Variants in ZSCAN5B observed in about 807,000 individuals in gnomAD.
The protein encoded by ZSCAN5B is zinc finger and SCAN domain-containing protein 5B.
Under a neutral mutation model 25.2 loss-of-function variants are expected in ZSCAN5B, and 26 were observed. The ratio of observed to expected loss-of-function variants is 1.03; its 90% confidence interval spans 0.76 to 1.43. The LOEUF is 1.43. Among genes scored for constraint, ZSCAN5B ranks in the 40% most tolerant of loss-of-function variants. The pLI, the probability that ZSCAN5B is intolerant of heterozygous loss-of-function variation, is 0.00. For synonymous variants in ZSCAN5B, 244 were observed against 240.9 expected (o/e 1.01, Z -0.12); for missense variants, 745 against 622.1 (o/e 1.20, Z -2.10).
chr19:56,190,694 A>G, intron 4 of ZSCAN5B, 119 bp from the exon 5 acceptor site: 1 of 1,545,448 alleles, frequency 6.5e-7, no homozygotes, highest in Non-Finnish European at 8.7e-7. Context: ...CAAGCCTAAG[A>G]CATTGGACTG....
chr19:56,195,041 G>C (rs955568650), intron 1 of ZSCAN5B, among the ~76,000 whole-genome samples: 20 of 152,174 alleles, frequency 1.3e-4, no homozygotes, highest in African/African-American at 4.8e-4. Context: ...AGACACAGGT[G>C]GGGGAAGCAA....
exon 5 of ZSCAN5B, chr19:56,189,756 A>G (rs989265133): frequency 1.3e-6 from 2 of 1,520,720 alleles, no homozygotes; most frequent in African/African-American, 2.8e-5. Flanking sequence ...TGTATATGTC[A>G]TCTGGTAACA....
chr19:56,189,742 T>C (rs2032696349), exon 5 of ZSCAN5B: 2 of 1,471,766 alleles, frequency 1.4e-6, no homozygotes, highest in Admixed American at 4.8e-5. Flanking sequence ...CCAAGTGCTT[T>C]ATGTGTATAT....
intron 3 of ZSCAN5B, among the ~76,000 whole-genome samples, chr19:56,191,409 C>G (rs1195001288): frequency 6.6e-6 from 1 of 152,162 alleles, no homozygotes; most frequent in African/African-American, 2.4e-5. Context: ...GAATGCCAAA[C>G]AAAAATGTCC....
chr19:56,192,791 C>T (rs2032755488), exon 2 of ZSCAN5B: 5 of 1,611,892 alleles, frequency 3.1e-6, no homozygotes, highest in Non-Finnish European at 4.2e-6. Context: ...TGCTCCATCA[C>T]CAGCATGTCC....
exon 4 of ZSCAN5B, chr19:56,190,911 T>A: frequency 9.9e-6 from 16 of 1,614,140 alleles, no homozygotes; most frequent in Non-Finnish European, 1.4e-5. Flanking sequence ...CAGATCCTTC[T>A]CCAAGGTCTG....
At chr19:56,191,807 C>G (rs2122196756) in intron 3 of ZSCAN5B, 43 bp downstream of exon 3, 1 of 1,597,928 alleles carries the variant, frequency 6.3e-7, no homozygotes, top group Middle Eastern at 1.7e-4. Flanking sequence ...CCTCCTGTTC[C>G]TTCTCCCACC....
chr19:56,194,529 A>C (rs1358601424), intron 1 of ZSCAN5B, among the ~76,000 whole-genome samples: 1 of 152,000 alleles, frequency 6.6e-6, no homozygotes, highest in African/African-American at 2.4e-5. Context: ...CTCTGGGCTC[A>C]AGCGATGCGC....
chr19:56,194,907 T>A (rs2032789399), intron 1 of ZSCAN5B, among the ~76,000 whole-genome samples: 2 of 151,946 alleles, frequency 1.3e-5, no homozygotes, highest in African/African-American at 4.8e-5. Context: ...ACAGCCCAAT[T>A]TTTTTTTCTT....
chr19:56,197,206 T>G lies in ZSCAN5B; in HGVS notation c.-128+528A>C, dbSNP rs2032821579. 2.6e-5 allele frequency among the ~76,000 whole-genome samples: 4 copies of G among 151,878 alleles called. 1 individual carries two copies. Among genetic ancestry groups the G allele is most frequent in the Admixed American group, 2.6e-4 (4 of 15,244 alleles). On this transcript the variant is annotated intron_variant, in intron 1 of 4. Coordinates refer to ENST00000586855, the Ensembl canonical transcript of ZSCAN5B. ...TTTTTTTTTTGAGACGGAGTTTTGC[T>G]TTGTTACCCAGGCTGGAGTGCAATG...
intron 3 of ZSCAN5B, 129 bp downstream of exon 3, chr19:56,191,721 G>T (rs1173128412): frequency 9.4e-6 from 8 of 850,814 alleles, no homozygotes; most frequent in African/African-American, 1.7e-5. Flanking sequence ...GTTTGGGGAT[G>T]TATCATGTCC....
chr19:56,195,839 GA>G lies in ZSCAN5B; in HGVS notation c.-128+1894del, dbSNP rs995312460. The stretch of plus-strand genomic sequence containing the variant: ...ACCCACCGAACCTAAAATAAAAGTG[GA>G]ATTTTTTTTTAAAGTTATCTATTTT... On this transcript the variant is annotated intron_variant, in intron 1 of 4. Coordinates refer to ENST00000586855, the Ensembl canonical transcript of ZSCAN5B. Among the ~76,000 whole-genome samples the G allele has an allele frequency of 6.7e-4, 72 of 108,000 alleles. 1 individual carries two copies. The highest frequency in any genetic ancestry group is 2.5e-3 in the Admixed American group (30 of 11,782). The allele number at this position is 108,000 out of a possible 152,430, so 70.9% of individuals were successfully genotyped here. A position where few individuals can be genotyped will look rare whatever the true frequency, so the allele number is the denominator to read the frequency against.
chr19:56,190,143 C>G, exon 5 of ZSCAN5B: 2 of 1,614,000 alleles, frequency 1.2e-6, no homozygotes, highest in African/African-American at 1.3e-5. Context: ...CTGCAAGAAG[C>G]GCTTCCGACA....
At position 56,190,033 on chromosome 19, in the gene ZSCAN5B, C is replaced by T. The variant is rs552592069; in HGVS notation, c.1282G>A (p.Gly428Ser). The change falls in exon 5 of 5, where the codon GGC becomes AGC. Residue 428 changes from glycine to serine, a missense_variant. Coordinates refer to ENST00000586855, the Ensembl canonical transcript of ZSCAN5B. Reference sequence around the variant, plus strand: ...TCCCCGGTGTGGATCCTCTTGTGGCCCTGTAAGGTGGACTCGTGGGCGAAC... The same window carrying T: ...TCCCCGGTGTGGATCCTCTTGTGGCTCTGTAAGGTGGACTCGTGGGCGAAC... 8 of 1,613,786 alleles carry T rather than the reference C, an allele frequency of 5.0e-6. No individual in the cohort carries two copies. In the South Asian group the frequency reaches 8.8e-5, roughly 18 times the overall value.
At chr19:56,190,060 G>A (rs200350280) in exon 5 of ZSCAN5B, 247 of 1,613,852 alleles carry the variant, frequency 1.5e-4, no homozygotes, top group Non-Finnish European at 1.9e-4. Flanking sequence ...TGGGCGAACC[G>A]CTTTTGGCAG....
chr19:56,193,692 G>A (rs1388474393), intron 1 of ZSCAN5B, among the ~76,000 whole-genome samples: 1 of 152,182 alleles, frequency 6.6e-6, no homozygotes, highest in Non-Finnish European at 1.5e-5. Flanking sequence ...GCCGGGCGCG[G>A]TGGCCCAGGC....
Position 56,190,177 on chromosome 19 carries a change from C to G in ZSCAN5B, c.1138G>C (p.Asp380His), listed in dbSNP as rs765226401. The change falls in exon 5 of 5, where the codon GAC becomes CAC. Residue 380 changes from aspartate to histidine, a missense_variant. By Grantham distance (81) the Asp-to-His change is moderately conservative. Coordinates refer to ENST00000586855, the Ensembl canonical transcript of ZSCAN5B. ...CAGAGATCACATTGAAAGGGTCTGT[C>G]TCCTGTGTGTGACCTCCTGTGGATG... is the stretch of plus-strand genomic sequence containing the variant. 6.2e-6 allele frequency: 10 copies of G among 1,613,934 alleles called. No homozygotes were observed. The African/African-American group carries it at 1.3e-4, about 22-fold the overall frequency.
chr19:56,197,479 G>T (rs2032825027), intron 1 of ZSCAN5B, among the ~76,000 whole-genome samples: 1 of 152,056 alleles, frequency 6.6e-6, no homozygotes, highest in African/African-American at 2.4e-5. Flanking sequence ...CCCGTGATCT[G>T]CCCACCTCGG....
chr19:56,189,949 C>T (rs751914884), exon 5 of ZSCAN5B: 14 of 1,613,894 alleles, frequency 8.7e-6, no homozygotes, highest in African/African-American at 6.7e-5. Flanking sequence ...CGCTGGTGAA[C>T]GTTCAGGTTC....
Sources: allele counts gnomAD v4.1 joint callset (sites outside exome capture counted in the v4.1 genomes callset), GRCh38; gene constraint gnomAD v4.1.1; transcripts MANE v1.5; gene names NCBI Gene and HGNC (gene_info 2026-07-23, HGNC 2026-07-21).